Variants in MAPK1IP1L observed in about 807,000 individuals in gnomAD.
MAPK1IP1L encodes MAPK-interacting and spindle-stabilizing protein-like.
MAPK1IP1L carries 10 observed loss-of-function variants against 18.1 expected under a neutral mutation model. The ratio of observed to expected loss-of-function variants is 0.55; its 90% CI spans 0.34 to 0.94. The LOEUF is 0.94. Ranked by LOEUF, MAPK1IP1L falls within the 40% of genes least tolerant of loss-of-function variation. The pLI, the probability that MAPK1IP1L is intolerant of heterozygous loss-of-function variation, is 0.02. For missense variants in MAPK1IP1L, 260 were observed against 318.2 expected (o/e 0.82, Z 1.39); for synonymous variants, 115 against 117.3 (o/e 0.98, Z 0.13).
intron 1 of MAPK1IP1L, among the ~76,000 whole-genome samples, chr14:55,059,668 G>A (rs1214100173): frequency 1.3e-5 from 2 of 152,194 alleles, no homozygotes; most frequent in Non-Finnish European, 2.9e-5. Flanking sequence ...GTCATACTGG[G>A]TTTGAACTGC....
intron 1 of MAPK1IP1L, among the ~76,000 whole-genome samples, chr14:55,057,314 G>C (rs1284517874): frequency 1.3e-5 from 2 of 152,182 alleles, no homozygotes; most frequent in African/African-American, 4.8e-5. Flanking sequence ...AGAGAATCAA[G>C]TGAGAAACTT....
At chr14:55,059,816 C>G (rs181944976) in intron 1 of MAPK1IP1L, among the ~76,000 whole-genome samples, 2 of 148,980 alleles carry the variant, frequency 1.3e-5, no homozygotes, top group East Asian at 1.9e-4. Context: ...GCACAGTACA[C>G]CACCATGTTC....
intron 1 of MAPK1IP1L, among the ~76,000 whole-genome samples, chr14:55,057,814 G>A (rs933575036): frequency 2.0e-5 from 3 of 151,790 alleles, no homozygotes; most frequent in Non-Finnish European, 4.4e-5. Context: ...GCATGCCTAT[G>A]GTCCCAGCTA....
rs372949056 is a variant in MAPK1IP1L, at chr14:55,051,742, G to A, written c.-66G>A. On this transcript the variant is annotated 5_prime_UTR_variant, in exon 1 of 4. Coordinates refer to ENST00000395468, the MANE Select transcript of MAPK1IP1L (RefSeq NM_144578.4). ...CAGTCAGGCTGCGCCCGCGTCTTCAGGGCCCAGTCCCTCGGACCCATCGCC... is the reference window on the plus strand; with the variant it reads ...CAGTCAGGCTGCGCCCGCGTCTTCAAGGCCCAGTCCCTCGGACCCATCGCC... 1.9e-6 allele frequency: 1 copy of A among 516,040 alleles called. No homozygotes were observed. The highest frequency in any genetic ancestry group is 3.9e-6 in the Non-Finnish European group (1 of 259,402). 32.0% of individuals were successfully genotyped at this position (516,040 alleles called of 1,614,324 possible).
chr14:55,061,986 T>C (rs1472813293), intron 2 of MAPK1IP1L, among the ~76,000 whole-genome samples: 1 of 152,220 alleles, frequency 6.6e-6, no homozygotes, highest in African/African-American at 2.4e-5. Flanking sequence ...TTGGGGGTAG[T>C]AAAGAGATTT....
At chr14:55,054,832 A>G (rs1386297069) in intron 1 of MAPK1IP1L, among the ~76,000 whole-genome samples, 3 of 152,238 alleles carry the variant, frequency 2.0e-5, no homozygotes, top group Non-Finnish European at 4.4e-5. Flanking sequence ...CCTAACAGCC[A>G]TGAGAGTTTC....
chr14:55,052,892 A>C (rs957925328), intron 1 of MAPK1IP1L, among the ~76,000 whole-genome samples: 2 of 152,218 alleles, frequency 1.3e-5, no homozygotes, highest in Non-Finnish European at 2.9e-5. Flanking sequence ...AAACTTTTGA[A>C]GCTAGTGTGT....
chr14:55,061,845 G>A, intron 2 of MAPK1IP1L, 144 bp downstream of exon 2: 1 of 621,738 alleles, frequency 1.6e-6, no homozygotes, highest in South Asian at 2.5e-5. Flanking sequence ...TAGCTACTTG[G>A]GAGGATCCCT....
Position 55,068,791 on chromosome 14 carries a change from A to G in MAPK1IP1L, c.*4164A>G, listed in dbSNP as rs561564647. On this transcript the variant is annotated 3_prime_UTR_variant, in exon 4 of 4. Coordinates refer to ENST00000395468, the MANE Select transcript of MAPK1IP1L (RefSeq NM_144578.4). ...AGGCAAGCTTCTGGCTGTCGAAAAC[A>G]TCTGAGTCATTTATTCAGTAGACAA... is the stretch of plus-strand genomic sequence containing the variant. 2.0e-5 allele frequency: 3 copies of G among 152,374 alleles called. No homozygotes were observed. Among genetic ancestry groups the G allele is most frequent in the South Asian group, 4.1e-4 (2 of 4,834 alleles). 9.4% of individuals were successfully genotyped at this position (152,374 alleles called of 1,614,324 possible).
chr14:55,053,337 A>G (rs2042745407), intron 1 of MAPK1IP1L, among the ~76,000 whole-genome samples: 1 of 152,234 alleles, frequency 6.6e-6, no homozygotes, highest in Admixed American at 6.5e-5. Context: ...TTATAGCTAG[A>G]TAATCATACT....
Position 55,060,007 on chromosome 14 carries a change from G to A in MAPK1IP1L, c.-4-1673G>A, listed in dbSNP as rs542024692. Among the ~76,000 whole-genome samples the A allele has an allele frequency of 3.9e-5, 6 of 152,256 alleles. No homozygotes were observed. The East Asian group carries it at 5.8e-4, about 15-fold the overall frequency. ...AAATACTATATGAAAGCAAGGCAGA[G>A]TAGGGAAGGCCTTTGTAAATATATC... On this transcript the variant is annotated intron_variant, in intron 1 of 3. Coordinates refer to ENST00000395468, the MANE Select transcript of MAPK1IP1L (RefSeq NM_144578.4).
intron 1 of MAPK1IP1L, among the ~76,000 whole-genome samples, chr14:55,059,244 A>AAAAAAAAC (rs2042796834): frequency 6.6e-6 from 1 of 150,492 alleles, no homozygotes; most frequent in Non-Finnish European, 1.5e-5. Flanking sequence ...AAAAAAAAAA[A>AAAAAAAAC]AGACAGTAGG....
rs1405194994 is a variant in MAPK1IP1L at position 55,065,013 on chromosome 14, A to C, written c.*386A>C. 6.0e-6 allele frequency: 1 copy of C among 167,326 alleles called. No homozygotes were observed. Among genetic ancestry groups the C allele is most frequent in the African/African-American group, 2.4e-5 (1 of 42,050 alleles). 10.4% of individuals were successfully genotyped at this position (167,326 alleles called of 1,614,324 possible). On this transcript the variant is annotated 3_prime_UTR_variant, in exon 4 of 4. Transcript: ENST00000395468. ...TTATTTCAAGTATTTTTCTATAATC[A>C]CTTTCCCCTTCTAAATAAATAAACT...
At chr14:55,063,678 A>G (rs1453398082) in intron 3 of MAPK1IP1L, among the ~76,000 whole-genome samples, 1 of 152,210 alleles carries the variant, frequency 6.6e-6, no homozygotes, top group East Asian at 1.9e-4. Context: ...GCATCACACC[A>G]AAGTACAGTT....
chr14:55,059,890 G>C (rs1196355051), intron 1 of MAPK1IP1L, among the ~76,000 whole-genome samples: 1 of 152,160 alleles, frequency 6.6e-6, no homozygotes, highest in Non-Finnish European at 1.5e-5. Flanking sequence ...GTGTAGTAAA[G>C]GTAGCTTGTC....
At chr14:55,062,467 G>T (rs1283236289) in intron 2 of MAPK1IP1L, 151 bp from the exon 3 acceptor site, 3 of 659,598 alleles carry the variant, frequency 4.5e-6, no homozygotes, top group Middle Eastern at 2.7e-4. Context: ...ATGTTAAATA[G>T]AGTATTTTTT....
At chr14:55,059,460 C>T (rs1009229380) in intron 1 of MAPK1IP1L, among the ~76,000 whole-genome samples, 11 of 152,014 alleles carry the variant, frequency 7.2e-5, no homozygotes, top group East Asian at 3.9e-4. Flanking sequence ...GGTGAAACTC[C>T]ATCTCTACAA....
chr14:55,062,762 C>G lies in MAPK1IP1L; in HGVS notation c.163C>G (p.Pro55Ala), dbSNP rs760176421. The G allele has an allele frequency of 6.2e-7, 1 of 1,614,196 alleles. No individual in the cohort carries two copies. The highest frequency in any genetic ancestry group is 8.5e-7 in the Non-Finnish European group (1 of 1,180,034). Residue 55 changes from proline (P) to alanine (A), a missense_variant, in exon 3 of 4, where the codon CCA becomes GCA. Pro to Ala is a conservative substitution (Grantham distance 27). Transcript: ENST00000395468. Reference protein sequence around the residue: ...APSSVPSGLPPSATPSTVPFG... With the variant: ...APSSVPSGLPASATPSTVPFG... ...ATCTTCAGTGCCATCTGGACTCCCACCAAGTGCAACACCCTCCACTGTGCC... is the reference window on the plus strand; with the variant it reads ...ATCTTCAGTGCCATCTGGACTCCCAGCAAGTGCAACACCCTCCACTGTGCC...
intron 3 of MAPK1IP1L, 41 bp downstream of exon 3, chr14:55,063,366 A>G (rs1276308788): frequency 4.0e-6 from 6 of 1,484,750 alleles, no homozygotes; most frequent in East Asian, 2.3e-5. Context: ...CTAATTGTAC[A>G]TAGCACAACT....
Sources: gnomAD v4.1 joint callset for allele counts (sites outside exome capture counted in the v4.1 genomes callset) on GRCh38, gnomAD v4.1.1 for gene constraint, MANE v1.5 for transcripts, NCBI Gene and HGNC (gene_info 2026-07-23, HGNC 2026-07-21) for gene names.